The following CARMIL1 variants were observed in gnomAD, a reference collection of about 807,000 sequenced individuals.
The protein encoded by CARMIL1 is F-actin-uncapping protein LRRC16A.
In CARMIL1, 90 loss-of-function variants were observed where a neutral mutation model predicts 177.1. The observed-to-expected ratio is 0.51, with a 90% CI of 0.43 to 0.61. The LOEUF (loss-of-function observed/expected upper bound fraction) is 0.61. Among genes scored for constraint, CARMIL1 ranks in the 20% least tolerant of loss-of-function variants. The pLI, the probability that CARMIL1 is intolerant of heterozygous loss-of-function variation, is 0.00. For missense variants in CARMIL1, 1,380 were observed against 1,667.0 expected, an observed-to-expected ratio of 0.83 and a Z score of 3.00; for synonymous variants, 577 against 606.2, an observed-to-expected ratio of 0.95 and a Z score of 0.71.
At chr6:25,426,403 A>C in intron 3 of CARMIL1, 98 bp from the exon 4 acceptor site, 10 of 893,676 alleles carry the variant, frequency 1.1e-5, no homozygotes, top group Non-Finnish European at 1.7e-5. Flanking sequence ...GGCTGTTTCT[A>C]GTTGTAGGAT....
intron 33 of CARMIL1, among the ~76,000 whole-genome samples, chr6:25,601,208 G>A (rs1815364571): frequency 6.6e-6 from 1 of 152,168 alleles, no homozygotes; most frequent in African/African-American, 2.4e-5. Context: ...ATAACTTATT[G>A]CTAAAGAACC....
chr6:25,524,974 A>G (rs190841284), intron 23 of CARMIL1, among the ~76,000 whole-genome samples: 30 of 152,300 alleles, frequency 2.0e-4, no homozygotes, highest in African/African-American at 7.2e-4. Flanking sequence ...AGACTATCCC[A>G]GCACTGTGGG....
intron 2 of CARMIL1, among the ~76,000 whole-genome samples, chr6:25,375,967 T>A (rs930586840): frequency 3.3e-5 from 5 of 152,250 alleles, no homozygotes; most frequent in African/African-American, 1.2e-4. Flanking sequence ...GTCCACCTTT[T>A]GAATTCTTTA....
chr6:25,473,410 A>C (rs1456575943), intron 11 of CARMIL1, among the ~76,000 whole-genome samples: 1 of 152,236 alleles, frequency 6.6e-6, no homozygotes, highest in Non-Finnish European at 1.5e-5. Context: ...CTTGCCAATA[A>C]AAAGTTGACT....
In CARMIL1 at chr6:25,515,485, A is replaced by G. The variant is rs1048314058; in HGVS notation, c.1633-190A>G. ...TTCAGCATTAAAACACAAGTTCTCC[A>G]TCTTTGACTCCAGCGGTCCATTTTG... On this transcript the variant is annotated intron_variant, in intron 20 of 36. Coordinates refer to ENST00000329474, the MANE Select transcript of CARMIL1 (RefSeq NM_017640.6). The surrounding 1 kb of genome is among the most constrained non-coding windows in gnomAD (Gnocchi z 5.0). Among the ~76,000 whole-genome samples, 6 of 152,180 alleles carry G rather than the reference A, an allele frequency of 3.9e-5. No homozygotes were observed. The highest frequency in any genetic ancestry group is 8.8e-5 in the Non-Finnish European group (6 of 68,034).
intron 31 of CARMIL1, among the ~76,000 whole-genome samples, chr6:25,589,614 A>C (rs544173099): frequency 6.6e-6 from 1 of 152,038 alleles, no homozygotes; most frequent in Non-Finnish European, 1.5e-5. Flanking sequence ...CAGTCTCCCA[A>C]GTAACTGGGA....
chr6:25,358,896 G>A (rs1046435168), intron 2 of CARMIL1, among the ~76,000 whole-genome samples: 29 of 152,172 alleles, frequency 1.9e-4, no homozygotes, highest in African/African-American at 6.3e-4. Context: ...TGTGAATGAA[G>A]GCATTGCACT....
At chr6:25,566,989 A>T (rs1172241869) in intron 29 of CARMIL1, among the ~76,000 whole-genome samples, 1 of 152,188 alleles carries the variant, frequency 6.6e-6, no homozygotes, top group African/African-American at 2.4e-5. Context: ...CCACCCACCC[A>T]CTGTAACCAG....
chr6:25,482,818 A>G (rs9461179), intron 12 of CARMIL1, among the ~76,000 whole-genome samples: 2,077 of 152,012 alleles, frequency 0.014, 38 homozygotes, highest in African/African-American at 0.038. Flanking sequence ...GTCAGTTCCT[A>G]ACTTCACTCA....
chr6:25,474,306 G>A lies in CARMIL1; in HGVS notation c.874+1785G>A, dbSNP rs528436161. Among the ~76,000 whole-genome samples, 279 of 151,524 alleles carry A rather than the reference G, an allele frequency of 1.8e-3. 1 individual carries two copies. The highest frequency in any genetic ancestry group is 6.5e-3 in the African/African-American group (267 of 41,328). ...GTATTTTTTTTTTTTTAGTAGAGAT[G>A]GGGTTTCACCGTGTTAGCCAGGTTG... is the stretch of plus-strand genomic sequence containing the variant. On this transcript the variant is annotated intron_variant, in intron 11 of 36. Coordinates refer to ENST00000329474, the MANE Select transcript of CARMIL1 (RefSeq NM_017640.6).
Position 25,451,988 on chromosome 6 carries a change from CCCCCCCT to C in CARMIL1, c.614+1284_614+1290del, listed in dbSNP as rs376955732. The stretch of plus-strand genomic sequence containing the variant: ...TGTCATCTCATCACTAGCATCTTGC[CCCCCCCT>C]CCCCCCCCCAGAATACTGTTTTGAA... On this transcript the variant is annotated intron_variant, in intron 8 of 36. Transcript: ENST00000329474. 69 of 68,696 alleles carry C rather than the reference CCCCCCCT, an allele frequency of 1.0e-3. 4 individuals carry two copies. The highest frequency in any genetic ancestry group is 1.8e-3 in the African/African-American group (21 of 11,806). 4.3% of individuals were successfully genotyped at this position (68,696 alleles called of 1,614,324 possible). A position where few individuals can be genotyped will look rare whatever the true frequency, so the allele number is the denominator to read the frequency against.
Position 25,279,433 on chromosome 6 carries a change from G to A in CARMIL1, c.-363G>A, listed in dbSNP as rs1305320607. On this transcript the variant is annotated 5_prime_UTR_variant, in exon 1 of 37. Transcript: ENST00000329474. ...TGTAGGTGCGGCGCGGAGGCTGGGC[G>A]GGAGCTACGCCGGCCCAAGCCCCGC... 2.7e-6 allele frequency: 1 copy of A among 370,528 alleles called. No individual in the cohort carries two copies. Among genetic ancestry groups the A allele is most frequent in the Non-Finnish European group, 5.0e-6 (1 of 201,240 alleles). The allele number at this position is 370,528 out of a possible 1,614,324, so 23.0% of individuals were successfully genotyped here.
intron 2 of CARMIL1, among the ~76,000 whole-genome samples, chr6:25,385,199 G>A (rs1214865956): frequency 6.6e-6 from 1 of 152,212 alleles, no homozygotes. Context: ...GGAACACCAT[G>A]TAGGCAAGGG....
At chr6:25,308,981 A>G (rs1230063272) in intron 2 of CARMIL1, among the ~76,000 whole-genome samples, 1 of 152,190 alleles carries the variant, frequency 6.6e-6, no homozygotes, top group Non-Finnish European at 1.5e-5. Context: ...AGGGATAAGT[A>G]AAATAAATTC....
intron 3 of CARMIL1, 31 bp downstream of exon 3, chr6:25,420,195 C>T: frequency 6.3e-7 from 1 of 1,599,392 alleles, no homozygotes. Context: ...TCCTTCTGCA[C>T]TCACACTCAC....
chr6:25,354,065 C>T (rs953450348), intron 2 of CARMIL1, among the ~76,000 whole-genome samples: 1 of 152,088 alleles, frequency 6.6e-6, no homozygotes, highest in African/African-American at 2.4e-5. Flanking sequence ...TTGTCTGGTT[C>T]CAAATGTTGA....
intron 31 of CARMIL1, among the ~76,000 whole-genome samples, chr6:25,585,694 G>A (rs2151266489): frequency 6.6e-6 from 1 of 152,244 alleles, no homozygotes; most frequent in African/African-American, 2.4e-5. Context: ...AGGACCCTGC[G>A]GCCTTCCGCA....
chr6:25,515,661 C>T lies in CARMIL1; in HGVS notation c.1633-14C>T, dbSNP rs1208665588. ...GATGAGACTGCTGAGTGCCGTGTGTCATTTGCTCCGCAGCCTCTGCAGTCC... is the reference window on the plus strand; with the variant it reads ...GATGAGACTGCTGAGTGCCGTGTGTTATTTGCTCCGCAGCCTCTGCAGTCC... On this transcript the variant is annotated splice_polypyrimidine_tract_variant and intron_variant, in intron 20 of 36. Transcript: ENST00000329474. This position sits in a 1 kb window ranked among gnomAD's most constrained non-coding sequence, Gnocchi z 5.0. 2 of 1,588,864 alleles carry T rather than the reference C, an allele frequency of 1.3e-6. No individual in the cohort carries two copies. Among genetic ancestry groups the T allele is most frequent in the Non-Finnish European group, 1.7e-6 (2 of 1,167,598 alleles).
At chr6:25,427,100 TATATGAATGATGTCATACA>T (rs1796340311) in intron 4 of CARMIL1, among the ~76,000 whole-genome samples, 2 of 152,206 alleles carry the variant, frequency 1.3e-5, no homozygotes, top group African/African-American at 4.8e-5. Flanking sequence ...TTAAAAATTT[TATATGAATGATGTCATACA>T]ATGTATACTT....
Sources: allele counts gnomAD v4.1 joint callset (sites outside exome capture counted in the v4.1 genomes callset), GRCh38; gene constraint gnomAD v4.1.1; non-coding constraint Gnocchi (gnomAD v3.1); transcripts MANE v1.5; gene names NCBI Gene and HGNC (gene_info 2026-07-23, HGNC 2026-07-21).